The following DNAL1 variants were observed in gnomAD, a reference collection of about 807,000 sequenced individuals.
DNAL1 encodes the protein dynein axonemal light chain 1, also known as chromosome 14 open reading frame 168.
In DNAL1, 17 loss-of-function variants were observed where a neutral mutation model predicts 29.4. The observed-to-expected ratio is 0.58, with a 90% CI of 0.40 to 0.87. The LOEUF (loss-of-function observed/expected upper bound fraction) is 0.87, where lower values mean the gene tolerates loss of function less well. Among genes scored for constraint, DNAL1 ranks in the 40% least tolerant of loss-of-function variants. DNAL1 has a pLI of 0.00. For missense variants in DNAL1, 188 were observed against 214.1 expected (o/e 0.88, Z 0.76); for synonymous variants, 78 against 76.3 (o/e 1.02, Z -0.12).
intron 1 of DNAL1, among the ~76,000 whole-genome samples, chr14:73,650,250 A>C (rs541058145): frequency 6.6e-6 from 1 of 152,238 alleles, no homozygotes; most frequent in Non-Finnish European, 1.5e-5. Flanking sequence ...CAGCCTCCCA[A>C]AGTACTGGGA....
intron 2 of DNAL1, among the ~76,000 whole-genome samples, chr14:73,655,202 G>T (rs1294938882): frequency 2.6e-5 from 4 of 151,966 alleles, no homozygotes; most frequent in Admixed American, 6.6e-5. Flanking sequence ...GGGGGAACTG[G>T]ACAAACTTTA....
intron 2 of DNAL1, among the ~76,000 whole-genome samples, chr14:73,655,632 C>T (rs1891200892): frequency 6.6e-6 from 1 of 151,978 alleles, no homozygotes; most frequent in South Asian, 2.1e-4. Context: ...CAGGAGTGAA[C>T]CACCGCGCCC....
At position 73,701,831 on chromosome 14, in the gene DNAL1, T is replaced by C. The variant is rs560838110; in HGVS notation, c.*5889T>C. 51 of 152,360 alleles carry C rather than the reference T, an allele frequency of 3.3e-4. No individual in the cohort carries two copies. The highest frequency in any genetic ancestry group is 1.2e-3 in the African/African-American group (50 of 41,588). The allele number at this position is 152,360 out of a possible 1,614,324, so 9.4% of individuals were successfully genotyped here. A position where few individuals can be genotyped will look rare whatever the true frequency, so the allele number is the denominator to read the frequency against. Reference sequence around the variant, plus strand: ...AATAATCTTTTATACACAGGAGTTTTGTAGCATGACTTTATGACTAAACTT... The same window carrying C: ...AATAATCTTTTATACACAGGAGTTTCGTAGCATGACTTTATGACTAAACTT... On this transcript the variant is annotated 3_prime_UTR_variant, in exon 8 of 8. Coordinates refer to ENST00000553645, the MANE Select transcript of DNAL1 (RefSeq NM_031427.4).
chr14:73,658,758 A>G, intron 2 of DNAL1, 89 bp from the exon 3 acceptor site: 1 of 926,790 alleles, frequency 1.1e-6, no homozygotes, highest in Non-Finnish European at 1.6e-6. Context: ...GTCTTGAAAT[A>G]AACATGGAAA....
At chr14:73,676,982 T>A (rs1184343226) in intron 5 of DNAL1, among the ~76,000 whole-genome samples, 32 of 150,820 alleles carry the variant, frequency 2.1e-4, no homozygotes, top group Middle Eastern at 3.4e-3. Context: ...TTTTTTTTTT[T>A]TTAATTGAGA....
At chr14:73,664,276 A>G (rs1354063519) in intron 4 of DNAL1, among the ~76,000 whole-genome samples, 1 of 152,090 alleles carries the variant, frequency 6.6e-6, no homozygotes, top group Non-Finnish European at 1.5e-5. Flanking sequence ...ATAGCCTCCT[A>G]ATTGATCTCC....
chr14:73,685,043 A>G (rs1030966985), intron 5 of DNAL1, among the ~76,000 whole-genome samples: 4 of 152,256 alleles, frequency 2.6e-5, no homozygotes, highest in African/African-American at 9.6e-5. Context: ...TTAAAAAATC[A>G]TAAATTTTAA....
intron 1 of DNAL1, among the ~76,000 whole-genome samples, chr14:73,647,035 T>G (rs1890990795): frequency 6.6e-6 from 1 of 152,040 alleles, no homozygotes; most frequent in African/African-American, 2.4e-5. Context: ...TATTTCACAT[T>G]AAAACCAAGA....
intron 5 of DNAL1, among the ~76,000 whole-genome samples, chr14:73,683,312 G>A (rs1383273667): frequency 6.6e-6 from 1 of 152,192 alleles, no homozygotes; most frequent in African/African-American, 2.4e-5. Flanking sequence ...TGTTATGCGT[G>A]TGTATGGCTG....
chr14:73,671,391 T>C, intron 4 of DNAL1, 151 bp from the exon 5 acceptor site: 2 of 831,824 alleles, frequency 2.4e-6, no homozygotes, highest in Non-Finnish European at 3.2e-6. Context: ...TTATTTCTAC[T>C]TGATTACCCA....
chr14:73,689,180 C>T (rs777596910), intron 6 of DNAL1, among the ~76,000 whole-genome samples, 195 bp from the exon 7 acceptor site: 7 of 151,846 alleles, frequency 4.6e-5, no homozygotes, highest in Non-Finnish European at 8.8e-5. Flanking sequence ...ACTACAGGTG[C>T]CCACCACTAT....
At position 73,693,366 on chromosome 14, in the gene DNAL1, G is replaced by A. The variant is rs79037479; in HGVS notation, c.533-2536G>A. Among the ~76,000 whole-genome samples the A allele has an allele frequency of 5.1e-3, 771 of 152,262 alleles. 30 individuals carry two copies. Among genetic ancestry groups the A allele is most frequent in the Admixed American group, 0.04 (613 of 15,302 alleles). On this transcript the variant is annotated intron_variant, in intron 7 of 7. Transcript: ENST00000553645. ...GGTGTGAATGTTTACCAAAAGACAC[G>A]TATGAGGATGTTCATAGTAGCAGTA...
At chr14:73,685,062 A>G (rs1408703256) in intron 5 of DNAL1, among the ~76,000 whole-genome samples, 1 of 152,232 alleles carries the variant, frequency 6.6e-6, no homozygotes, top group Non-Finnish European at 1.5e-5. Flanking sequence ...AATAGCTGAG[A>G]GGAACCTTAA....
chr14:73,688,575 A>ATGAAGCCAT (rs1056626190), intron 6 of DNAL1, among the ~76,000 whole-genome samples: 9 of 152,166 alleles, frequency 5.9e-5, no homozygotes, highest in African/African-American at 2.2e-4. Flanking sequence ...GCGAGTGGAG[A>ATGAAGCCAT]TGAAGCCATT....
chr14:73,654,218 A>G (rs184649922), intron 1 of DNAL1, among the ~76,000 whole-genome samples: 17 of 152,352 alleles, frequency 1.1e-4, no homozygotes, highest in Admixed American at 1.1e-3. Context: ...GAATCAATGA[A>G]ATAAGATGTA....
intron 2 of DNAL1, 63 bp downstream of exon 2, chr14:73,654,948 CA>C: frequency 6.9e-7 from 1 of 1,448,612 alleles, no homozygotes; most frequent in Non-Finnish European, 9.3e-7. Context: ...GATAGTTATT[CA>C]AATCTAGCTA....
chr14:73,648,704 C>T (rs1192866975), intron 1 of DNAL1, among the ~76,000 whole-genome samples: 2 of 151,110 alleles, frequency 1.3e-5, no homozygotes, highest in African/African-American at 4.9e-5. Flanking sequence ...CGTGAGCCAC[C>T]ATGCCCAGCC....
intron 5 of DNAL1, among the ~76,000 whole-genome samples, chr14:73,681,755 A>G (rs2140053119): frequency 6.7e-6 from 1 of 149,788 alleles, no homozygotes; most frequent in South Asian, 2.1e-4. Flanking sequence ...TGATCACACC[A>G]CTGCACTCCA....
intron 1 of DNAL1, among the ~76,000 whole-genome samples, chr14:73,645,650 G>T (rs1293517288): frequency 6.6e-6 from 1 of 152,188 alleles, no homozygotes; most frequent in African/African-American, 2.4e-5. Context: ...TTTCAGGAAT[G>T]TGCATTTCGA....
Sources: gnomAD v4.1 joint callset for allele counts (sites outside exome capture counted in the v4.1 genomes callset) on GRCh38, gnomAD v4.1.1 for gene constraint, MANE v1.5 for transcripts, NCBI Gene and HGNC (gene_info 2026-07-23, HGNC 2026-07-21) for gene names.